The following TUT4 variants were observed in gnomAD, a reference collection of about 807,000 sequenced individuals.
The protein encoded by TUT4 is terminal uridylyl transferase 4, also known as terminal uridylyltransferase 4.
A neutral mutation model predicts 192.2 loss-of-function variants in TUT4; 36 were observed. The ratio of observed to expected loss-of-function variants is 0.19; its 90% CI spans 0.14 to 0.25. The LOEUF (loss-of-function observed/expected upper bound fraction) is 0.25. TUT4 is among the 10% of genes least tolerant of loss of function. The probability of loss-of-function intolerance (pLI) is 1.00; values close to 1 mark genes in which losing one functional copy is unlikely to be tolerated. For synonymous variants in TUT4, 618 were observed against 666.0 expected (o/e 0.93, Z 1.11); for missense variants, 1,493 against 1,957.2 (o/e 0.76, Z 4.47).
At chr1:52,470,769 G>A (rs1054635368) in intron 14 of TUT4, among the ~76,000 whole-genome samples, 7 of 152,030 alleles carry the variant, frequency 4.6e-5, no homozygotes, top group Admixed American at 6.6e-5. Flanking sequence ...AGAAGGGAGC[G>A]ATTACAATGA....
Position 52,477,890 on chromosome 1 carries a change from A to T in TUT4, c.1849-8T>A. The T allele has an allele frequency of 6.3e-7, 1 of 1,577,510 alleles. No individual in the cohort carries two copies. Among genetic ancestry groups the T allele is most frequent in the Non-Finnish European group, 8.6e-7 (1 of 1,166,762 alleles). On this transcript the variant is annotated splice_region_variant and splice_polypyrimidine_tract_variant and intron_variant, in intron 11 of 29. Coordinates refer to ENST00000257177, the MANE Select transcript of TUT4 (RefSeq NM_001009881.3). ...TTCCAATGCTAAAGGAGACTGGAAAAGAAAAAATACTTTTCATTTAAGCTT... is the reference window on the plus strand; with the variant it reads ...TTCCAATGCTAAAGGAGACTGGAAATGAAAAAATACTTTTCATTTAAGCTT...
chr1:52,469,962 T>C (rs1665269808), intron 14 of TUT4, among the ~76,000 whole-genome samples: 1 of 151,444 alleles, frequency 6.6e-6, no homozygotes, highest in Admixed American at 6.6e-5. Context: ...TAGGTTAGTA[T>C]ATACACACAT....
chr1:52,469,569 A>G (rs1665125053), intron 14 of TUT4, among the ~76,000 whole-genome samples: 1 of 152,068 alleles, frequency 6.6e-6, no homozygotes, highest in African/African-American at 2.4e-5. Context: ...ACCATTATGA[A>G]ATCATGTTTG....
Position 52,423,843 on chromosome 1 carries a change from G to A in TUT4, c.*92C>T, listed in dbSNP as rs2147979710. On this transcript the variant is annotated 3_prime_UTR_variant, in exon 30 of 30. Transcript: ENST00000257177. ...TTAAATGTCACTTTTTCTGCTGAAT[G>A]TAACTGACATTGAGGTACGGATACC... 1 of 1,562,616 alleles carries A rather than the reference G, an allele frequency of 6.4e-7. No homozygotes were observed. Among genetic ancestry groups the A allele is most frequent in the African/African-American group, 1.4e-5 (1 of 73,572 alleles).
intron 28 of TUT4, among the ~76,000 whole-genome samples, chr1:52,429,377 T>G (rs913838935): frequency 2.0e-5 from 3 of 151,362 alleles, no homozygotes; most frequent in African/African-American, 7.3e-5. Context: ...TAAAAATAAT[T>G]ATCACTAAAA....
chr1:52,425,483 G>A lies in TUT4; in HGVS notation c.4736C>T (p.Pro1579Leu), dbSNP rs1342384649. The A allele has an allele frequency of 6.2e-7, 1 of 1,613,662 alleles. No individual in the cohort carries two copies. Among genetic ancestry groups the A allele is most frequent in the Non-Finnish European group, 8.5e-7 (1 of 1,179,776 alleles). The change falls in exon 29 of 30, where the codon CCT becomes CTT. Residue 1579 changes from proline to leucine, a missense_variant. Pro to Leu is a moderately conservative substitution (Grantham distance 98). This residue lies in a region of TUT4 where 351 missense variants were observed against 397.8 expected (regional missense o/e 0.88). Transcript: ENST00000257177. Reference protein sequence around the residue: ...NSEPGFRGLTPPIPWEHAPRP... With the variant: ...NSEPGFRGLTLPIPWEHAPRP... The stretch of plus-strand genomic sequence containing the variant: ...CGGTGCATGTTCCCAAGGAATTGGA[G>A]GAGTCAGTCCTCGAAAGCCTGGCTC...
rs1290846841 is a variant in TUT4 at position 52,423,779 on chromosome 1, TA to T, written c.*155del. The T allele has an allele frequency of 6.6e-7, 1 of 1,524,658 alleles. No homozygotes were observed. The highest frequency in any genetic ancestry group is 2.5e-5 in the East Asian group (1 of 40,490). 94.4% of individuals were successfully genotyped at this position (1,524,658 alleles called of 1,614,324 possible). On this transcript the variant is annotated 3_prime_UTR_variant, in exon 30 of 30. Coordinates refer to ENST00000257177, the MANE Select transcript of TUT4 (RefSeq NM_001009881.3). Reference sequence around the variant, plus strand: ...ATTTAAATAAGCTATCTAAACGTGTTAAAATTTTAAATCAGGACCTGATTTG... The same window carrying T: ...ATTTAAATAAGCTATCTAAACGTGTTAAATTTTAAATCAGGACCTGATTTG...
chr1:52,453,380 C>G (rs1303508652), intron 20 of TUT4, among the ~76,000 whole-genome samples: 1 of 149,622 alleles, frequency 6.7e-6, no homozygotes, highest in East Asian at 1.9e-4. Flanking sequence ...GAAACTCCGT[C>G]TCAAAAAAAA....
chr1:52,553,162 C>G (rs954553333), upstream of TUT4: 1 of 151,464 alleles, frequency 6.6e-6, no homozygotes, highest in African/African-American at 2.4e-5. Context: ...AGAGGAGGAC[C>G]CGCTGAGGGG....
At chr1:52,535,914 C>T (rs1371019707) in intron 1 of TUT4, among the ~76,000 whole-genome samples, 3 of 152,088 alleles carry the variant, frequency 2.0e-5, no homozygotes, top group African/African-American at 4.8e-5. Context: ...CCAGTAAAAC[C>T]GCCTTTCAAG....
chr1:52,519,294 T>C (rs528543917), intron 2 of TUT4, among the ~76,000 whole-genome samples: 1 of 152,316 alleles, frequency 6.6e-6, no homozygotes, highest in African/African-American at 2.4e-5. Flanking sequence ...TATTGTATTA[T>C]TTCATTTATA....
chr1:52,444,921 A>ATG (rs140490299), intron 24 of TUT4, among the ~76,000 whole-genome samples: 27 of 148,074 alleles, frequency 1.8e-4, no homozygotes, highest in African/African-American at 6.1e-4. Flanking sequence ...ATATACATGT[A>ATG]TGTGTATATA....
intron 4 of TUT4, among the ~76,000 whole-genome samples, chr1:52,502,614 T>TC (rs1457983629): frequency 7.4e-6 from 1 of 134,714 alleles, no homozygotes; most frequent in South Asian, 2.5e-4. Context: ...GCCCTCTTTT[T>TC]TTTTTTTTTT....
intron 1 of TUT4, among the ~76,000 whole-genome samples, chr1:52,550,496 CTTTTT>C (rs752817651): frequency 4.9e-5 from 6 of 122,040 alleles, no homozygotes; most frequent in South Asian, 2.6e-4. Context: ...GTAAGTATTG[CTTTTT>C]TTTTTTTTTT....
At chr1:52,523,420 A>G (rs1353428037) in intron 2 of TUT4, among the ~76,000 whole-genome samples, 1 of 152,128 alleles carries the variant, frequency 6.6e-6, no homozygotes, top group Non-Finnish European at 1.5e-5. Flanking sequence ...AGCTTAGCCA[A>G]CACAGTGAAA....
intron 2 of TUT4, among the ~76,000 whole-genome samples, chr1:52,523,878 C>T (rs963926395): frequency 6.6e-6 from 1 of 152,164 alleles, no homozygotes; most frequent in African/African-American, 2.4e-5. Context: ...TTTCAGAATT[C>T]TTTACCAGTG....
chr1:52,481,494 G>T lies in TUT4; in HGVS notation c.1777C>A (p.Gln593Lys). ...IAEENKAKAD[Q>K]PKDDTKKTET... ...GTCTTCTTGGTATCATCTTTTGGTT[G>T]GTCTGCCTTAGCTTTGTTTTCCTCA... Residue 593 changes from glutamine to lysine, a missense_variant, in exon 11 of 30, where the codon CAA becomes AAA. This residue lies in a region of TUT4 where 437 missense variants were observed against 577.6 expected (regional missense o/e 0.76). Coordinates refer to ENST00000257177, the MANE Select transcript of TUT4 (RefSeq NM_001009881.3). 6.2e-7 allele frequency: 1 copy of T among 1,613,818 alleles called. No homozygotes were observed. The highest frequency in any genetic ancestry group is 8.5e-7 in the Non-Finnish European group (1 of 1,179,926).
chr1:52,547,801 T>C (rs1388290618), intron 1 of TUT4, among the ~76,000 whole-genome samples: 1 of 152,208 alleles, frequency 6.6e-6, no homozygotes, highest in African/African-American at 2.4e-5. Context: ...GTATATGTAA[T>C]GTCCATAATT....
chr1:52,441,585 G>A (rs546671673), intron 24 of TUT4, among the ~76,000 whole-genome samples: 8 of 151,298 alleles, frequency 5.3e-5, no homozygotes, highest in Admixed American at 4.0e-4. Context: ...GAGCCACCGC[G>A]CCTGGCCGGC....
Sources: gnomAD v4.1 joint callset for allele counts (sites outside exome capture counted in the v4.1 genomes callset) on GRCh38, gnomAD v4.1.1 for gene constraint, gnomAD v4.1.1 regional missense constraint, MANE v1.5 for transcripts, NCBI Gene and HGNC (gene_info 2026-07-23, HGNC 2026-07-21) for gene names.